The following RASGRF2 variants were observed in gnomAD, a reference collection of about 807,000 sequenced individuals.
RASGRF2 encodes ras-specific guanine nucleotide-releasing factor 2.
In RASGRF2, 76 loss-of-function variants were observed where a neutral mutation model predicts 151.0. The observed-to-expected ratio is 0.50, with a 90% CI of 0.42 to 0.61. The LOEUF is 0.61. Among genes scored for constraint, RASGRF2 ranks in the 20% least tolerant of loss-of-function variants. The pLI, the probability that RASGRF2 is intolerant of heterozygous loss-of-function variation, is 0.00. For synonymous variants in RASGRF2, 504 were observed against 566.5 expected (o/e 0.89, Z 1.57); for missense variants, 1,148 against 1,564.6 (o/e 0.73, Z 4.49).
rs1747508131 is a variant in RASGRF2, at chr5:80,960,531, G to T, written c.-208G>T. The T allele has an allele frequency of 9.5e-6, 3 of 316,506 alleles. No individual in the cohort carries two copies. Among genetic ancestry groups the T allele is most frequent in the Non-Finnish European group, 1.7e-5 (3 of 180,604 alleles). The allele number at this position is 316,506 out of a possible 1,614,324, so 19.6% of individuals were successfully genotyped here. On this transcript the variant is annotated 5_prime_UTR_variant, in exon 1 of 27. Coordinates refer to ENST00000265080, the MANE Select transcript of RASGRF2 (RefSeq NM_006909.3). The surrounding 1 kb of genome is among the most constrained non-coding windows in gnomAD (Gnocchi z 5.5). ...GGGAGGGTGGTGGTTAGGGCGGAGAGCGTGCCTCGGCCCCAGCCCGCGCCC... is the reference window on the plus strand; with the variant it reads ...GGGAGGGTGGTGGTTAGGGCGGAGATCGTGCCTCGGCCCCAGCCCGCGCCC...
chr5:81,099,221 G>T (rs1752627751), intron 12 of RASGRF2, among the ~76,000 whole-genome samples: 1 of 152,168 alleles, frequency 6.6e-6, no homozygotes, highest in African/African-American at 2.4e-5. Flanking sequence ...GCCTCTCAGT[G>T]TATACATACA....
intron 2 of RASGRF2, among the ~76,000 whole-genome samples, chr5:81,062,332 A>G (rs1751469634): frequency 6.6e-6 from 1 of 152,144 alleles, no homozygotes; most frequent in African/African-American, 2.4e-5. Flanking sequence ...TTACTTACAT[A>G]TTTTTAGATC....
At chr5:81,074,061 T>A (rs1751865130) in intron 5 of RASGRF2, among the ~76,000 whole-genome samples, 1 of 152,192 alleles carries the variant, frequency 6.6e-6, no homozygotes, top group Non-Finnish European at 1.5e-5. Context: ...AATGGAGTGA[T>A]TATGGGTTTT....
chr5:81,127,641 TGGCCA>T (rs1753494203), intron 17 of RASGRF2, among the ~76,000 whole-genome samples: 1 of 152,026 alleles, frequency 6.6e-6, no homozygotes, highest in Admixed American at 6.6e-5. Flanking sequence ...TCTCCTTATT[TGGCCA>T]GGCACAGTGG....
intron 1 of RASGRF2, among the ~76,000 whole-genome samples, chr5:81,009,458 A>G (rs1450591487): frequency 6.6e-6 from 1 of 152,174 alleles, no homozygotes. Context: ...GCTTATTATC[A>G]TGTCTGTCAG....
At chr5:80,999,128 A>T (rs190206126) in intron 1 of RASGRF2, among the ~76,000 whole-genome samples, 3 of 151,922 alleles carry the variant, frequency 2.0e-5, no homozygotes, top group Admixed American at 2.0e-4. Flanking sequence ...GACTGATGCA[A>T]TGGGGTTGGA....
At chr5:81,116,553 C>A (rs900303914) in intron 15 of RASGRF2, among the ~76,000 whole-genome samples, 1 of 151,628 alleles carries the variant, frequency 6.6e-6, no homozygotes, top group African/African-American at 2.4e-5. Context: ...GAGAATCTTT[C>A]TTCTCCTCCT....
At chr5:81,161,775 A>G (rs1754389189) in intron 17 of RASGRF2, among the ~76,000 whole-genome samples, 1 of 152,138 alleles carries the variant, frequency 6.6e-6, no homozygotes, top group Non-Finnish European at 1.5e-5. Flanking sequence ...AAATGATTTG[A>G]TGCCTTGTTA....
At position 81,218,193 on chromosome 5, in the gene RASGRF2, G is replaced by A. The variant is rs542687932; in HGVS notation, c.3552+720G>A. On this transcript the variant is annotated intron_variant, in intron 25 of 26. Transcript: ENST00000265080. The stretch of plus-strand genomic sequence containing the variant: ...CCCAATGTTTGCTTTTTAATCTTGC[G>A]GTGGAAGAGGAGGTGGATACTGGGA... Among the ~76,000 whole-genome samples the A allele has an allele frequency of 2.4e-3, 362 of 152,266 alleles. 1 individual carries two copies. Among genetic ancestry groups the A allele is most frequent in the African/African-American group, 8.4e-3 (348 of 41,564 alleles).
chr5:81,146,179 TC>T (rs372461750), intron 17 of RASGRF2, among the ~76,000 whole-genome samples: 2 of 152,208 alleles, frequency 1.3e-5, no homozygotes, highest in African/African-American at 4.8e-5. Flanking sequence ...GACTCATTTT[TC>T]TCTGCTGTTT....
chr5:81,021,835 T>C (rs1369582501), intron 1 of RASGRF2, among the ~76,000 whole-genome samples: 3 of 152,054 alleles, frequency 2.0e-5, no homozygotes, highest in Non-Finnish European at 4.4e-5. Context: ...CAAATTCACC[T>C]CCCTGAAAGG....
intron 12 of RASGRF2, among the ~76,000 whole-genome samples, chr5:81,098,998 A>G (rs987910032): frequency 4.6e-5 from 7 of 152,238 alleles, no homozygotes; most frequent in African/African-American, 1.7e-4. Context: ...TAAAATGTTT[A>G]TCAAAATACC....
intron 22 of RASGRF2, among the ~76,000 whole-genome samples, 181 bp from the exon 23 acceptor site, chr5:81,212,185 C>T (rs1215758765): frequency 1.8e-4 from 27 of 152,158 alleles, no homozygotes; most frequent in Admixed American, 1.8e-3. Flanking sequence ...AACAGATGCT[C>T]ATTAGTTTAT....
chr5:80,965,944 A>G (rs1747707875), intron 1 of RASGRF2, among the ~76,000 whole-genome samples: 1 of 152,164 alleles, frequency 6.6e-6, no homozygotes, highest in African/African-American at 2.4e-5. Context: ...CTTAGTCTTT[A>G]TGATTATTTT....
chr5:81,134,585 C>G (rs911984805), intron 17 of RASGRF2, among the ~76,000 whole-genome samples: 2 of 152,174 alleles, frequency 1.3e-5, no homozygotes, highest in Non-Finnish European at 1.5e-5. Flanking sequence ...TGGGGCACAG[C>G]ATCTGTCTTT....
chr5:80,979,296 A>G (rs1324055048), intron 1 of RASGRF2, among the ~76,000 whole-genome samples: 1 of 152,252 alleles, frequency 6.6e-6, no homozygotes, highest in Non-Finnish European at 1.5e-5. Flanking sequence ...GTGAATTAAA[A>G]TATAGAAATG....
rs181337157 is a variant in RASGRF2, at chr5:81,129,300, A to G, written c.2686+2137A>G. Among the ~76,000 whole-genome samples the G allele has an allele frequency of 7.7e-4, 118 of 152,332 alleles. 1 individual carries two copies. Among genetic ancestry groups the G allele is most frequent in the Middle Eastern group, 3.4e-3 (1 of 294 alleles). The stretch of plus-strand genomic sequence containing the variant: ...TTTTTCACCTTTGTGGTAACAAAGG[A>G]ATCCTTTCCAAAGCTTCTGAACCAA... On this transcript the variant is annotated intron_variant, in intron 17 of 26. Transcript: ENST00000265080.
In RASGRF2 at chr5:81,123,717, C is replaced by T. The variant is rs1561218672; in HGVS notation, c.2546C>T (p.Pro849Leu). The T allele has an allele frequency of 1.9e-6, 3 of 1,613,858 alleles. No individual in the cohort carries two copies. Among genetic ancestry groups the T allele is most frequent in the Admixed American group, 3.3e-5 (2 of 60,000 alleles). The change falls in exon 16 of 27, where the codon CCT (proline) becomes CTT (leucine). Residue 849 changes from proline to leucine, a missense_variant. By Grantham distance (98) the Pro-to-Leu change is moderately conservative (BLOSUM62 -3). Around this residue, in one of 5 missense-constraint regions of RASGRF2, gnomAD observed 646 missense variants for 807.4 expected, o/e 0.80. Coordinates refer to ENST00000265080, the MANE Select transcript of RASGRF2 (RefSeq NM_006909.3). ...GCAGCGGACACCACAGAACTTTCAC[C>T]TTGCAGATCCCCCTCAACTCCTCGG... ...SPAADTTELS[P>L]CRSPSTPRHL...
chr5:81,162,579 C>T (rs1262628158), intron 17 of RASGRF2, among the ~76,000 whole-genome samples: 1 of 151,854 alleles, frequency 6.6e-6, no homozygotes, highest in African/African-American at 2.4e-5. Context: ...AACTCCTCAC[C>T]TCGTGATCCA....
Sources: allele counts gnomAD v4.1 joint callset (sites outside exome capture counted in the v4.1 genomes callset), GRCh38; gene constraint gnomAD v4.1.1; regional missense constraint gnomAD v4.1.1; non-coding constraint Gnocchi (gnomAD v3.1); transcripts MANE v1.5; gene names NCBI Gene and HGNC (gene_info 2026-07-23, HGNC 2026-07-21).